The following GRM5 variants were observed in gnomAD, a reference collection of about 807,000 sequenced individuals.
GRM5 encodes glutamate metabotropic receptor 5, also known as metabotropic glutamate receptor 5.
A neutral mutation model predicts 83.1 loss-of-function variants in GRM5; 19 were observed. The ratio of observed to expected loss-of-function variants is 0.23; its 90% CI spans 0.16 to 0.34. The LOEUF (loss-of-function observed/expected upper bound fraction) is 0.34. Ranked by LOEUF, GRM5 falls within the 10% of genes least tolerant of loss-of-function variation. The pLI, the probability that GRM5 is intolerant of heterozygous loss-of-function variation, is 1.00. For synonymous variants in GRM5, 675 were observed against 633.6 expected (o/e 1.07, Z -0.98); for missense variants, 1,160 against 1,588.3 (o/e 0.73, Z 4.58).
intron 3 of GRM5, among the ~76,000 whole-genome samples, chr11:88,682,233 T>A (rs1289273453): frequency 6.6e-6 from 1 of 152,180 alleles, no homozygotes; most frequent in Non-Finnish European, 1.5e-5. Context: ...TCCAGACTCA[T>A]CTACTCTCTA....
At chr11:88,759,921 T>G (rs1249400274) in intron 3 of GRM5, among the ~76,000 whole-genome samples, 1 of 151,950 alleles carries the variant, frequency 6.6e-6, no homozygotes, top group Non-Finnish European at 1.5e-5. Context: ...GACTAAGAAA[T>G]GCACTCAAAA....
chr11:88,814,502 G>A (rs1011120812), intron 3 of GRM5, among the ~76,000 whole-genome samples: 2 of 151,568 alleles, frequency 1.3e-5, no homozygotes, highest in Non-Finnish European at 2.9e-5. Context: ...ATCTAAGTAG[G>A]AAGTCTTATA....
At chr11:88,948,353 CAA>C (rs1938347557) in intron 2 of GRM5, among the ~76,000 whole-genome samples, 1 of 152,178 alleles carries the variant, frequency 6.6e-6, no homozygotes, top group Non-Finnish European at 1.5e-5. Context: ...GTGTGGTTCA[CAA>C]AAGACAGGTG....
chr11:88,507,750 C>G lies in GRM5; in HGVS notation c.*842G>C, dbSNP rs1252130737. ...AAGAGAATTTCCAGCTACAATGCAC[C>G]CCAGTGAGGGAATTACAAAACAGTA... On this transcript the variant is annotated 3_prime_UTR_variant, in exon 10 of 10. Coordinates refer to ENST00000305447, the MANE Select transcript of GRM5 (RefSeq NM_001143831.3). The G allele has an allele frequency of 2.0e-5, 3 of 152,532 alleles. No homozygotes were observed. Among genetic ancestry groups the G allele is most frequent in the Non-Finnish European group, 2.9e-5 (2 of 68,028 alleles). The allele number at this position is 152,532 out of a possible 1,614,324, so 9.4% of individuals were successfully genotyped here.
At chr11:88,651,775 G>A (rs1340198676) in intron 4 of GRM5, among the ~76,000 whole-genome samples, 2 of 152,014 alleles carry the variant, frequency 1.3e-5, no homozygotes, top group Non-Finnish European at 2.9e-5. Flanking sequence ...CCACACTCCA[G>A]CATTCCTCCC....
intron 2 of GRM5, among the ~76,000 whole-genome samples, chr11:88,994,711 C>G (rs1201723225): frequency 2.0e-5 from 3 of 147,508 alleles, no homozygotes; most frequent in African/African-American, 7.5e-5. Flanking sequence ...TCAGAAAGTT[C>G]TTTTTGTTTT....
At chr11:89,020,516 T>C (rs1437820863) in intron 2 of GRM5, among the ~76,000 whole-genome samples, 3 of 152,180 alleles carry the variant, frequency 2.0e-5, no homozygotes, top group East Asian at 1.9e-4. Flanking sequence ...GAATTAAAAC[T>C]ATAACACTGT....
At chr11:89,011,646 G>T (rs2135091120) in intron 2 of GRM5, among the ~76,000 whole-genome samples, 1 of 152,278 alleles carries the variant, frequency 6.6e-6, no homozygotes, top group African/African-American at 2.4e-5. Flanking sequence ...AAACTGAGAT[G>T]ATATACTTGA....
At chr11:88,665,922 C>T (rs554013060) in intron 3 of GRM5, among the ~76,000 whole-genome samples, 1 of 151,278 alleles carries the variant, frequency 6.6e-6, no homozygotes, top group East Asian at 1.9e-4. Flanking sequence ...TGAAGTTGAA[C>T]TCATTGATAA....
intron 3 of GRM5, among the ~76,000 whole-genome samples, chr11:88,789,877 T>G (rs913220526): frequency 5.3e-5 from 8 of 152,064 alleles, no homozygotes; most frequent in Non-Finnish European, 8.8e-5. Flanking sequence ...TTTTTTGATA[T>G]GGAGTCCCAC....
chr11:88,973,621 C>A (rs1477552332), intron 2 of GRM5, among the ~76,000 whole-genome samples: 2 of 152,248 alleles, frequency 1.3e-5, no homozygotes, highest in East Asian at 1.9e-4. Context: ...CCTGCCAATA[C>A]CCTGATTTCA....
intron 8 of GRM5, among the ~76,000 whole-genome samples, chr11:88,528,501 T>A (rs1941931971): frequency 6.8e-6 from 1 of 146,276 alleles, no homozygotes; most frequent in African/African-American, 2.6e-5. Flanking sequence ...TTTTTCCAGT[T>A]GAGTTTATTT....
chr11:89,032,969 G>A (rs1406293241), intron 2 of GRM5, among the ~76,000 whole-genome samples: 1 of 151,822 alleles, frequency 6.6e-6, no homozygotes, highest in East Asian at 1.9e-4. Context: ...CTGTTATAAA[G>A]ACACCATTAA....
intron 2 of GRM5, among the ~76,000 whole-genome samples, chr11:89,012,611 G>T (rs1056984337): frequency 6.6e-6 from 1 of 152,176 alleles, no homozygotes; most frequent in Admixed American, 6.5e-5. Context: ...AAGAACTGCT[G>T]CACAGAAACC....
intron 1 of GRM5, among the ~76,000 whole-genome samples, chr11:89,062,621 T>C (rs1191216921): frequency 6.6e-6 from 1 of 152,244 alleles, no homozygotes; most frequent in South Asian, 2.1e-4. Flanking sequence ...TAAGGCAGCA[T>C]CAAGATTGTG....
intron 3 of GRM5, among the ~76,000 whole-genome samples, chr11:88,838,084 CAAAAAAAAAAA>C (rs1157680177): frequency 0.059 from 3,279 of 55,662 alleles, 205 homozygotes; most frequent in African/African-American, 0.19. Flanking sequence ...GACTCCATCT[CAAAAAAAAAAA>C]AAAAAAAAAA....
chr11:88,533,088 A>G (rs1264636949), intron 8 of GRM5, among the ~76,000 whole-genome samples: 1 of 152,182 alleles, frequency 6.6e-6, no homozygotes, highest in Non-Finnish European at 1.5e-5. Flanking sequence ...GTCAAAATAG[A>G]AATCTTTTCA....
intron 3 of GRM5, among the ~76,000 whole-genome samples, chr11:88,802,900 C>G (rs2135488311): frequency 6.6e-6 from 1 of 151,580 alleles, no homozygotes; most frequent in African/African-American, 2.4e-5. Context: ...AACAGACAAA[C>G]AGAGAGCCAA....
Position 88,942,301 on chromosome 11 carries a change from G to A in GRM5, c.662-92146C>T, listed in dbSNP as rs578188599. Among the ~76,000 whole-genome samples, 76 of 152,086 alleles carry A rather than the reference G, an allele frequency of 5.0e-4. 1 individual carries two copies. In the South Asian group the frequency reaches 0.015, roughly 31 times the overall value. ...ATGATTTGGCAAGAGGGAAGTGTGTGGTAAGATGTTAACAAATGGTGAGCT... is the reference window on the plus strand; with the variant it reads ...ATGATTTGGCAAGAGGGAAGTGTGTAGTAAGATGTTAACAAATGGTGAGCT... On this transcript the variant is annotated intron_variant, in intron 2 of 9. Coordinates refer to ENST00000305447, the MANE Select transcript of GRM5 (RefSeq NM_001143831.3).
Sources: gnomAD v4.1 joint callset for allele counts (sites outside exome capture counted in the v4.1 genomes callset) on GRCh38, gnomAD v4.1.1 for gene constraint, MANE v1.5 for transcripts, NCBI Gene and HGNC (gene_info 2026-07-23, HGNC 2026-07-21) for gene names.